Variants in MYO1E observed in about 807,000 individuals in gnomAD.
The protein encoded by MYO1E is unconventional myosin-Ie.
A neutral mutation model predicts 151.1 loss-of-function variants in MYO1E; 68 were observed. The ratio of observed to expected loss-of-function variants is 0.45; its 90% CI spans 0.37 to 0.55. MYO1E has a LOEUF of 0.55. Ranked by LOEUF, MYO1E falls within the 20% of genes least tolerant of loss-of-function variation. The pLI is 0.00. For synonymous variants in MYO1E, 601 were observed against 501.7 expected (o/e 1.20, Z -2.64); for missense variants, 1,363 against 1,389.3 (o/e 0.98, Z 0.30).
At chr15:59,194,299 T>C (rs1386831314) in intron 17 of MYO1E, among the ~76,000 whole-genome samples, 1 of 152,230 alleles carries the variant, frequency 6.6e-6, no homozygotes, top group Non-Finnish European at 1.5e-5. Flanking sequence ...AGAACAGACT[T>C]AGACTGCATG....
chr15:59,303,163 T>G (rs540573097), intron 1 of MYO1E, among the ~76,000 whole-genome samples: 1 of 152,326 alleles, frequency 6.6e-6, no homozygotes, highest in African/African-American at 2.4e-5. Flanking sequence ...TAAATTTGAT[T>G]GTTAGAATTA....
chr15:59,249,233 C>G (rs565532136), intron 4 of MYO1E, among the ~76,000 whole-genome samples: 16 of 152,138 alleles, frequency 1.1e-4, no homozygotes, highest in African/African-American at 3.9e-4. Context: ...ACCACCCTGG[C>G]CAACATGGTG....
chr15:59,166,014 G>T (rs980503248), intron 22 of MYO1E, among the ~76,000 whole-genome samples: 86 of 152,184 alleles, frequency 5.7e-4, no homozygotes, highest in African/African-American at 2.0e-3. Context: ...GGTTTAATGG[G>T]CTTAGATTTA....
chr15:59,338,279 A>G (rs1428758717), intron 1 of MYO1E, among the ~76,000 whole-genome samples: 1 of 141,760 alleles, frequency 7.1e-6, no homozygotes, highest in Admixed American at 7.1e-5. Flanking sequence ...CTAGATCAGT[A>G]TTGACTTTTT....
intron 5 of MYO1E, among the ~76,000 whole-genome samples, chr15:59,233,115 CT>C (rs1449314033): frequency 6.8e-6 from 1 of 146,286 alleles, no homozygotes; most frequent in South Asian, 2.2e-4. Context: ...CTCTTTCTAT[CT>C]TTTTTTTTGC....
At chr15:59,173,337 T>C (rs2079606601) in intron 21 of MYO1E, among the ~76,000 whole-genome samples, 1 of 152,218 alleles carries the variant, frequency 6.6e-6, no homozygotes, top group African/African-American at 2.4e-5. Flanking sequence ...CATGAGAAAC[T>C]GGTTAAAAAT....
chr15:59,223,635 A>C (rs1207165604), intron 8 of MYO1E, among the ~76,000 whole-genome samples: 2 of 152,006 alleles, frequency 1.3e-5, no homozygotes, highest in Admixed American at 6.6e-5. Context: ...CTTTCCACCT[A>C]CTCAAAGTGG....
chr15:59,236,639 G>C lies in MYO1E; in HGVS notation c.366C>G (p.Ala122=), dbSNP rs765464474. The change falls in exon 5 of 28, where the codon GCC becomes GCG. Residue 122 remains alanine, a synonymous_variant. Transcript: ENST00000288235. ...GESGAGKTVA[A]KYIMSYISRV... ...TGGAGATGTAGCTCATGATATATTT[G>C]GCAGCCACTGTTTTTCCAGCACCAC... 6.2e-7 allele frequency: 1 copy of C among 1,613,862 alleles called. No individual in the cohort carries two copies. The highest frequency in any genetic ancestry group is 8.5e-7 in the Non-Finnish European group (1 of 1,179,926).
At chr15:59,285,478 C>T (rs1344175039) in intron 1 of MYO1E, among the ~76,000 whole-genome samples, 3 of 151,524 alleles carry the variant, frequency 2.0e-5, no homozygotes, top group African/African-American at 4.9e-5. Context: ...CTGCCTCAGC[C>T]CCCCGAGTGG....
At chr15:59,188,960 T>C (rs2079716181) in intron 17 of MYO1E, among the ~76,000 whole-genome samples, 1 of 152,246 alleles carries the variant, frequency 6.6e-6, no homozygotes, top group Non-Finnish European at 1.5e-5. Flanking sequence ...GCTTTTCTAA[T>C]ACAAGTTACA....
intron 1 of MYO1E, among the ~76,000 whole-genome samples, chr15:59,320,673 C>T (rs988086824): frequency 1.3e-5 from 2 of 152,114 alleles, no homozygotes; most frequent in Non-Finnish European, 2.9e-5. Context: ...TCACCACATA[C>T]AAAAATTAAC....
intron 1 of MYO1E, among the ~76,000 whole-genome samples, chr15:59,302,024 AG>A: frequency 6.6e-6 from 1 of 152,282 alleles, no homozygotes; most frequent in East Asian, 1.9e-4. Flanking sequence ...ACCTACGTAA[AG>A]GTAGGTTCGT....
chr15:59,339,844 C>T (rs1357301627), intron 1 of MYO1E, among the ~76,000 whole-genome samples: 1 of 122,460 alleles, frequency 8.2e-6, no homozygotes, highest in African/African-American at 3.3e-5. Flanking sequence ...TATATACATA[C>T]TTTTTTTTGT....
chr15:59,248,246 G>A (rs181197235), intron 4 of MYO1E, among the ~76,000 whole-genome samples: 73 of 151,454 alleles, frequency 4.8e-4, no homozygotes, highest in Non-Finnish European at 7.2e-4. Flanking sequence ...CATTTTGGGC[G>A]GCCAAGGCAG....
At chr15:59,218,157 A>G (rs1017403197) in intron 9 of MYO1E, 70 bp from the exon 10 acceptor site, 2 of 1,564,390 alleles carry the variant, frequency 1.3e-6, no homozygotes, top group Non-Finnish European at 1.8e-6. Context: ...TCACAAACAT[A>G]TGGAGGCACT....
chr15:59,281,485 A>T (rs2080353047), intron 1 of MYO1E, among the ~76,000 whole-genome samples: 1 of 152,004 alleles, frequency 6.6e-6, no homozygotes, highest in Admixed American at 6.6e-5. Context: ...TATGTTGCCC[A>T]GGCTGGTCTC....
intron 1 of MYO1E, among the ~76,000 whole-genome samples, chr15:59,315,494 G>A (rs755699760): frequency 2.0e-5 from 3 of 149,858 alleles, no homozygotes; most frequent in Non-Finnish European, 2.9e-5. Flanking sequence ...TATGGCACAC[G>A]TTTACCTATG....
At chr15:59,189,307 C>T (rs2079718652) in intron 17 of MYO1E, among the ~76,000 whole-genome samples, 1 of 152,176 alleles carries the variant, frequency 6.6e-6, no homozygotes, top group Admixed American at 6.5e-5. Context: ...TATCTGCCTG[C>T]TTTAGCCTCC....
At chr15:59,202,807 T>C (rs1250639413) in intron 15 of MYO1E, among the ~76,000 whole-genome samples, 1 of 152,158 alleles carries the variant, frequency 6.6e-6, no homozygotes, top group African/African-American at 2.4e-5. Context: ...AGGGGTTCAA[T>C]CATGGCTCAC....
Sources: allele counts gnomAD v4.1 joint callset (sites outside exome capture counted in the v4.1 genomes callset), GRCh38; gene constraint gnomAD v4.1.1; transcripts MANE v1.5; gene names NCBI Gene and HGNC (gene_info 2026-07-23, HGNC 2026-07-21).